Variants in GLCCI1 observed in about 807,000 individuals in gnomAD.
The protein encoded by GLCCI1 is glucocorticoid induced 1.
Under a neutral mutation model 52.2 loss-of-function variants are expected in GLCCI1, and 24 were observed. The observed-to-expected ratio is 0.46, with a 90% CI of 0.33 to 0.65. The LOEUF is 0.65. Ranked by LOEUF, GLCCI1 falls within the 30% of genes least tolerant of loss-of-function variation. The pLI, the probability that GLCCI1 is intolerant of heterozygous loss-of-function variation, is 0.02. For synonymous variants in GLCCI1, 310 were observed against 276.5 expected (o/e 1.12, Z -1.20); for missense variants, 704 against 701.5 (o/e 1.00, Z -0.04).
At chr7:8,009,855 A>G (rs1441621512) in intron 2 of GLCCI1, among the ~76,000 whole-genome samples, 1 of 152,010 alleles carries the variant, frequency 6.6e-6, no homozygotes, top group Non-Finnish European at 1.5e-5. Flanking sequence ...TATTAATTAA[A>G]AGCTTTTCAA....
rs1157551442 is a variant in GLCCI1, at chr7:8,060,247, A to C, written c.965A>C (p.Lys322Thr). The C allele has an allele frequency of 1.9e-6, 3 of 1,608,558 alleles. No individual in the cohort carries two copies. The Admixed American group carries it at 5.0e-5, about 27-fold the overall frequency. ...AATAATGGGAAGGAAGAAGTATCCA[A>C]GGTAAGGTTACATGGGATATTTGAA... is the stretch of plus-strand genomic sequence containing the variant. ...KENNGKEEVS[K>T]PLDIPDGRRA... The change falls in exon 5 of 8, where the codon AAG becomes ACG. Residue 322 changes from lysine to threonine, a missense_variant and splice_region_variant. Physicochemically the swap from Lys to Thr is moderately conservative, Grantham distance 78 (BLOSUM62 -1). Coordinates refer to ENST00000223145, the MANE Select transcript of GLCCI1 (RefSeq NM_138426.4).
Position 7,969,176 on chromosome 7 carries a change from C to T in GLCCI1, c.-175C>T, listed in dbSNP as rs1780278860. ...GCCTTCCCCTCCCCCCTCGCCGAGGCGGCGGGGGTGTGCGTTGGGGAGGGG... is the reference window on the plus strand; with the variant it reads ...GCCTTCCCCTCCCCCCTCGCCGAGGTGGCGGGGGTGTGCGTTGGGGAGGGG... On this transcript the variant is annotated 5_prime_UTR_variant, in exon 1 of 8. Coordinates refer to ENST00000223145, the MANE Select transcript of GLCCI1 (RefSeq NM_138426.4). The surrounding 1 kb of genome is among the most constrained non-coding windows in gnomAD (Gnocchi z 4.9). 8.7e-6 allele frequency: 5 copies of T among 573,224 alleles called. No homozygotes were observed. The highest frequency in any genetic ancestry group is 1.2e-5 in the Non-Finnish European group (5 of 420,090). 35.5% of individuals were successfully genotyped at this position (573,224 alleles called of 1,614,324 possible).
At chr7:8,017,101 T>A (rs1426485583) in intron 2 of GLCCI1, among the ~76,000 whole-genome samples, 1 of 152,228 alleles carries the variant, frequency 6.6e-6, no homozygotes, top group African/African-American at 2.4e-5. Context: ...TATAGGTTCA[T>A]GTGCAGGAGA....
chr7:8,038,416 G>C (rs1285802263), intron 3 of GLCCI1, among the ~76,000 whole-genome samples: 1 of 151,880 alleles, frequency 6.6e-6, no homozygotes, highest in Non-Finnish European at 1.5e-5. Flanking sequence ...TGGTAGGATA[G>C]CAAAAACATA....
chr7:8,041,359 T>A (rs1781994868), intron 3 of GLCCI1, among the ~76,000 whole-genome samples: 1 of 152,148 alleles, frequency 6.6e-6, no homozygotes, highest in Non-Finnish European at 1.5e-5. Flanking sequence ...AGAAGCCATA[T>A]CTATAAAGTG....
chr7:8,015,752 C>T (rs1781365103), intron 2 of GLCCI1, among the ~76,000 whole-genome samples: 1 of 152,052 alleles, frequency 6.6e-6, no homozygotes. Context: ...TTTCAAATAC[C>T]ATCTCTAAAA....
At chr7:8,036,475 G>C (rs1237533308) in intron 3 of GLCCI1, among the ~76,000 whole-genome samples, 1 of 152,162 alleles carries the variant, frequency 6.6e-6, no homozygotes, top group Non-Finnish European at 1.5e-5. Context: ...GAACTAGAGA[G>C]ACAATTCTGG....
At chr7:7,979,336 A>T (rs1780559280) in intron 1 of GLCCI1, among the ~76,000 whole-genome samples, 1 of 152,144 alleles carries the variant, frequency 6.6e-6, no homozygotes, top group African/African-American at 2.4e-5. Context: ...GGTAACAAAT[A>T]GTGGGTCAAA....
At chr7:7,982,003 G>T (rs187597359) in intron 1 of GLCCI1, 34 of 425,124 alleles carry the variant, frequency 8.0e-5, no homozygotes, top group African/African-American at 6.9e-4. Context: ...AAAGTTTGGA[G>T]TTTGGTCACT....
chr7:8,017,952 A>G, intron 2 of GLCCI1, among the ~76,000 whole-genome samples: 1 of 152,194 alleles, frequency 6.6e-6, no homozygotes, highest in East Asian at 1.9e-4. Flanking sequence ...AAATTGTTTT[A>G]TTAGTCAAAA....
chr7:8,003,882 C>T, intron 1 of GLCCI1, 26 bp from the exon 2 acceptor site: 1 of 1,595,716 alleles, frequency 6.3e-7, no homozygotes, highest in Non-Finnish European at 8.5e-7. Flanking sequence ...TCACTAATGA[C>T]TAATCTTTTT....
At chr7:8,032,544 A>C (rs937926772) in intron 3 of GLCCI1, among the ~76,000 whole-genome samples, 1 of 152,068 alleles carries the variant, frequency 6.6e-6, no homozygotes, top group Non-Finnish European at 1.5e-5. Flanking sequence ...CCAACTTCAG[A>C]AGTGAAAGAG....
intron 1 of GLCCI1, among the ~76,000 whole-genome samples, chr7:7,996,517 C>A (rs960404428): frequency 5.3e-5 from 8 of 151,966 alleles, no homozygotes; most frequent in African/African-American, 1.9e-4. Context: ...GTGAAGTTTT[C>A]TTTTCAACCT....
intron 1 of GLCCI1, among the ~76,000 whole-genome samples, chr7:7,975,582 A>C (rs1006499910): frequency 2.6e-5 from 4 of 152,208 alleles, no homozygotes; most frequent in Non-Finnish European, 4.4e-5. Flanking sequence ...TCTAAGCTAA[A>C]AGAATGACAA....
At chr7:8,053,335 G>GTTTTT (rs369225877) in intron 3 of GLCCI1, among the ~76,000 whole-genome samples, 9,955 of 133,832 alleles carry the variant, frequency 0.074, 533 homozygotes, top group Non-Finnish European at 0.11. Flanking sequence ...TTGTTTGTTT[G>GTTTTT]TTTGTTTTGA....
intron 3 of GLCCI1, among the ~76,000 whole-genome samples, chr7:8,032,515 A>G (rs1387212894): frequency 6.6e-6 from 1 of 152,072 alleles, no homozygotes; most frequent in African/African-American, 2.4e-5. Flanking sequence ...CTGACTAGAA[A>G]AAAAGCAGAC....
At chr7:7,986,767 T>A (rs1780742014) in intron 1 of GLCCI1, among the ~76,000 whole-genome samples, 1 of 152,144 alleles carries the variant, frequency 6.6e-6, no homozygotes, top group Non-Finnish European at 1.5e-5. Context: ...GGCATGATGG[T>A]TCCAGCCTTT....
intron 1 of GLCCI1, among the ~76,000 whole-genome samples, chr7:7,986,069 A>G (rs938355630): frequency 6.6e-6 from 1 of 152,130 alleles, no homozygotes; most frequent in Non-Finnish European, 1.5e-5. Context: ...CTGTCTTTGG[A>G]TATTTTGCTC....
intron 1 of GLCCI1, among the ~76,000 whole-genome samples, chr7:7,975,694 T>C (rs1178357539): frequency 6.6e-6 from 1 of 152,206 alleles, no homozygotes; most frequent in African/African-American, 2.4e-5. Context: ...GTTTGTTGAA[T>C]GTAACTAAAA....
Sources: allele counts gnomAD v4.1 joint callset (sites outside exome capture counted in the v4.1 genomes callset), GRCh38; gene constraint gnomAD v4.1.1; non-coding constraint Gnocchi (gnomAD v3.1); transcripts MANE v1.5; gene names NCBI Gene and HGNC (gene_info 2026-07-23, HGNC 2026-07-21).